ZNF473: variants seen among roughly 807,000 people sequenced by gnomAD.
ZNF473 encodes the protein zinc finger protein 473.
ZNF473 carries 4 observed loss-of-function variants against 11.1 expected under a neutral mutation model. The ratio of observed to expected loss-of-function variants is 0.36; its 90% CI spans 0.18 to 0.82. The LOEUF is 0.82. ZNF473 is among the 40% of genes least tolerant of loss of function. ZNF473 has a pLI of 0.49. For synonymous variants in ZNF473, 404 were observed against 390.4 expected, an observed-to-expected ratio of 1.03 and a Z score of -0.41; for missense variants, 854 against 1,084.0, an observed-to-expected ratio of 0.79 and a Z score of 2.98.
At chr19:50,042,526 G>A (rs1044985170) in intron 4 of ZNF473, 1 of 152,240 alleles carries the variant, frequency 6.6e-6, no homozygotes, top group Non-Finnish European at 1.5e-5. Context: ...GCACATCAGT[G>A]TTCCTCATAG....
intron 1 of ZNF473, among the ~76,000 whole-genome samples, chr19:50,029,255 G>A (rs1444371637): frequency 1.3e-5 from 2 of 152,142 alleles, no homozygotes; most frequent in Admixed American, 1.3e-4. Context: ...CCATTCTCTC[G>A]CCTCAGCCTC....
chr19:50,039,303 C>A lies in ZNF473; in HGVS notation c.136+16C>A. 1 of 1,613,474 alleles carries A rather than the reference C, an allele frequency of 6.2e-7. No individual in the cohort carries two copies. Among genetic ancestry groups the A allele is most frequent in the Non-Finnish European group, 8.5e-7 (1 of 1,179,604 alleles). On this transcript the variant is annotated intron_variant, in intron 3 of 4. Transcript: ENST00000270617. This position sits in a 1 kb window ranked among gnomAD's most constrained non-coding sequence, Gnocchi z 4.8. ...TTCCTGCTGGGTGAGTGTTGCCTGTCCCCAGGGGCCTACTCACTGCCCTGC... is the reference window on the plus strand; with the variant it reads ...TTCCTGCTGGGTGAGTGTTGCCTGTACCCAGGGGCCTACTCACTGCCCTGC...
chr19:50,048,098 G>A lies in ZNF473; in HGVS notation c.*1039G>A, dbSNP rs1568413371. On this transcript the variant is annotated 3_prime_UTR_variant, in exon 5 of 5. Transcript: ENST00000270617. Reference sequence around the variant, plus strand: ...TACTGCTCTGAAGCTTCTGGAATCAGAAATGAACCCATTTTCATCGACGAT... The same window carrying A: ...TACTGCTCTGAAGCTTCTGGAATCAAAAATGAACCCATTTTCATCGACGAT... 1.3e-5 allele frequency: 2 copies of A among 152,202 alleles called. No individual in the cohort carries two copies. The highest frequency in any genetic ancestry group is 4.8e-5 in the African/African-American group (2 of 41,432). The allele number at this position is 152,202 out of a possible 1,614,324, so 9.4% of individuals were successfully genotyped here.
At chr19:50,027,684 C>T (rs2077293801) in intron 1 of ZNF473, among the ~76,000 whole-genome samples, 1 of 151,706 alleles carries the variant, frequency 6.6e-6, no homozygotes, top group Non-Finnish European at 1.5e-5. Flanking sequence ...GGAGCACTTG[C>T]CTCATCTGAA....
chr19:50,038,009 AT>A (rs11462425), intron 2 of ZNF473, among the ~76,000 whole-genome samples: 24 of 134,918 alleles, frequency 1.8e-4, no homozygotes, highest in Admixed American at 2.3e-4. Context: ...ATAGTAGAAA[AT>A]TTTTTTTTTT....
intron 2 of ZNF473, among the ~76,000 whole-genome samples, chr19:50,036,687 A>G (rs796405333): frequency 1.3e-5 from 2 of 152,182 alleles, no homozygotes; most frequent in African/African-American, 4.8e-5. Context: ...GAATTCATTT[A>G]TTCATGGAAT....
Position 50,045,368 on chromosome 19 carries a change from G to T in ZNF473, c.925G>T (p.Glu309Ter). 1 of 1,614,150 alleles carries T rather than the reference G, an allele frequency of 6.2e-7. No individual in the cohort carries two copies. The highest frequency in any genetic ancestry group is 8.5e-7 in the Non-Finnish European group (1 of 1,180,030). Residue 309 changes from glutamate to a stop codon, truncating the protein, a stop_gained, in exon 5 of 5, where the codon GAG (glutamate) becomes TAG (stop). Transcript: ENST00000270617. LOFTEE classifies it low-confidence loss of function (END_TRUNC). ...HPPSHDTQPGEHQKTHTDSKS... is the reference protein window; with the variant it reads ...HPPSHDTQPG ...ACCCAGTCATGACACACAGCCTGGT[G>T]AGCATCAGAAAACTCACACAGATAG...
At position 50,044,976 on chromosome 19, in the gene ZNF473, T is replaced by C. The variant is rs760978577; in HGVS notation, c.533T>C (p.Leu178Pro). ...SMVHNVSEKTLTPAKSKEYRG... is the reference protein window; with the variant it reads ...SMVHNVSEKTPTPAKSKEYRG... ...GTGCATAATGTTTCTGAAAAGACCC[T>C]CACACCAGCTAAGTCTAAGGAATAT... The change falls in exon 5 of 5, where the codon CTC becomes CCC. Residue 178 changes from leucine (L) to proline (P), a missense_variant. Leu to Pro is a moderately conservative substitution (Grantham distance 98). Transcript: ENST00000270617. 9.9e-6 allele frequency: 16 copies of C among 1,614,222 alleles called. No homozygotes were observed. In the Admixed American group the frequency reaches 2.7e-4, roughly 27 times the overall value.
chr19:50,031,121 G>T, intron 2 of ZNF473, 30 bp downstream of exon 2: 1 of 1,562,064 alleles, frequency 6.4e-7, no homozygotes, highest in Non-Finnish European at 8.7e-7. Flanking sequence ...GTCCTAATCG[G>T]TCACACCCAA....
chr19:50,040,215 C>G (rs562810176), intron 3 of ZNF473, among the ~76,000 whole-genome samples: 1 of 152,292 alleles, frequency 6.6e-6, no homozygotes, highest in East Asian at 1.9e-4. Context: ...GGGGCAAAGT[C>G]CAAGGAAGCC....
chr19:50,028,110 A>G (rs1316421305), intron 1 of ZNF473, among the ~76,000 whole-genome samples: 1 of 152,002 alleles, frequency 6.6e-6, no homozygotes, highest in African/African-American at 2.4e-5. Context: ...CATCCTGGCT[A>G]ACACGGTGAA....
chr19:50,032,296 C>T (rs2077322469), intron 2 of ZNF473, among the ~76,000 whole-genome samples: 1 of 151,364 alleles, frequency 6.6e-6, no homozygotes, highest in Admixed American at 6.6e-5. Context: ...ATATAGACAG[C>T]AACAGTTTCT....
chr19:50,027,989 G>A lies in ZNF473; in HGVS notation c.-192+1867G>A, dbSNP rs1029498881. On this transcript the variant is annotated intron_variant, in intron 1 of 4. Transcript: ENST00000270617. ...CAGGCATGAGCCACTGCACCCAGCC[G>A]CTTTTTAAACTTAAATTTAATTTTT... is the stretch of plus-strand genomic sequence containing the variant. 3.2e-4 allele frequency among the ~76,000 whole-genome samples: 48 copies of A among 151,800 alleles called. 2 individuals carry two copies. The highest frequency in any genetic ancestry group is 2.5e-3 in the Admixed American group (38 of 15,268).
chr19:50,028,244 G>T (rs1017240137), intron 1 of ZNF473, among the ~76,000 whole-genome samples: 1 of 150,804 alleles, frequency 6.6e-6, no homozygotes, highest in Non-Finnish European at 1.5e-5. Flanking sequence ...CTTGCAGCGA[G>T]CTGAGATCGC....
chr19:50,033,585 T>C (rs1182630996), intron 2 of ZNF473, among the ~76,000 whole-genome samples: 1 of 152,190 alleles, frequency 6.6e-6, no homozygotes, highest in Non-Finnish European at 1.5e-5. Context: ...ACTGCTGCTG[T>C]AACAAATAAT....
chr19:50,031,321 C>A (rs929228381), intron 2 of ZNF473, among the ~76,000 whole-genome samples: 1 of 152,306 alleles, frequency 6.6e-6, no homozygotes, highest in South Asian at 2.1e-4. Flanking sequence ...CTTCTGGGAA[C>A]CCCTATTGCT....
rs1265359952 is a variant in ZNF473, at chr19:50,041,621, AC to A, written c.137-108del. 6 of 913,948 alleles carry A rather than the reference AC, an allele frequency of 6.6e-6. No homozygotes were observed. In the East Asian group the frequency reaches 1.4e-4, roughly 21 times the overall value. 56.6% of individuals were successfully genotyped at this position (913,948 alleles called of 1,614,324 possible). On this transcript the variant is annotated intron_variant, in intron 3 of 4. Transcript: ENST00000270617. Reference sequence around the variant, plus strand: ...AGCACCTCGTCCACACACAGGAGCCACGTGCAGGATAAAGCATAGAAAAGTC... The same window carrying A: ...AGCACCTCGTCCACACACAGGAGCCAGTGCAGGATAAAGCATAGAAAAGTC...
intron 3 of ZNF473, 108 bp from the exon 4 acceptor site, chr19:50,041,622 C>T (rs1978771942): frequency 3.3e-6 from 3 of 921,968 alleles, no homozygotes; most frequent in South Asian, 1.7e-5. Context: ...ACAGGAGCCA[C>T]GTGCAGGATA....
chr19:50,047,352 C>T lies in ZNF473; in HGVS notation c.*293C>T. 3.0e-6 allele frequency: 1 copy of T among 332,366 alleles called. No individual in the cohort carries two copies. Among genetic ancestry groups the T allele is most frequent in the South Asian group, 4.2e-5 (1 of 24,046 alleles). The allele number at this position is 332,366 out of a possible 1,614,324, so 20.6% of individuals were successfully genotyped here. ...GAAAAATCTCTCAGGGCCTCGGTGT[C>T]CTTATCTGTAAAATGGGCATCACCT... On this transcript the variant is annotated 3_prime_UTR_variant, in exon 5 of 5. Coordinates refer to ENST00000270617, the MANE Select transcript of ZNF473 (RefSeq NM_015428.4).
Sources: allele counts gnomAD v4.1 joint callset (sites outside exome capture counted in the v4.1 genomes callset), GRCh38; gene constraint gnomAD v4.1.1; non-coding constraint Gnocchi (gnomAD v3.1); transcripts MANE v1.5; gene names NCBI Gene and HGNC (gene_info 2026-07-23, HGNC 2026-07-21).